The following UGGT2 variants were observed in gnomAD, a reference collection of about 807,000 sequenced individuals.
UGGT2 encodes UDP-glucose glycoprotein glucosyltransferase 2, also known as UDP-glucose:glycoprotein glucosyltransferase 2.
UGGT2 carries 180 observed loss-of-function variants against 192.1 expected under a neutral mutation model. The observed-to-expected ratio is 0.94, with a 90% confidence interval of 0.83 to 1.06. UGGT2 has a LOEUF of 1.06. Among genes scored for constraint, UGGT2 ranks in the 50% least tolerant of loss-of-function variants. The probability of loss-of-function intolerance (pLI) is 0.00; values close to 1 mark genes in which losing one functional copy is unlikely to be tolerated. For missense variants in UGGT2, 1,849 were observed against 1,795.7 expected (o/e 1.03, Z -0.54); for synonymous variants, 580 against 591.0 (o/e 0.98, Z 0.27).
At chr13:95,910,292 C>T (rs1396003959) in intron 20 of UGGT2, among the ~76,000 whole-genome samples, 1 of 152,076 alleles carries the variant, frequency 6.6e-6, no homozygotes, top group African/African-American at 2.4e-5. Context: ...AAGACAGAGA[C>T]TGGAAATTGG....
chr13:95,807,657 T>G (rs963420732), intron 38 of UGGT2, among the ~76,000 whole-genome samples: 1 of 150,980 alleles, frequency 6.6e-6, no homozygotes. Flanking sequence ...TCTGGTGTGG[T>G]GTCTTCTAGC....
chr13:95,836,147 C>T (rs1303499882), intron 37 of UGGT2, among the ~76,000 whole-genome samples: 1 of 152,170 alleles, frequency 6.6e-6, no homozygotes, highest in East Asian at 1.9e-4. Flanking sequence ...CTCCCAGGTT[C>T]AAGCAATTCT....
intron 20 of UGGT2, among the ~76,000 whole-genome samples, chr13:95,905,227 T>C (rs2048248653): frequency 6.7e-6 from 1 of 149,692 alleles, no homozygotes; most frequent in Non-Finnish European, 1.5e-5. Context: ...TTGTGGAAAT[T>C]TTCTCCCATT....
intron 17 of UGGT2, among the ~76,000 whole-genome samples, chr13:95,927,650 C>T (rs1249419903): frequency 6.6e-6 from 1 of 150,660 alleles, no homozygotes; most frequent in African/African-American, 2.4e-5. Flanking sequence ...TGTTTGTTTG[C>T]TTTTTTGTTG....
At chr13:96,046,719 C>A (rs1008651044) in intron 1 of UGGT2, among the ~76,000 whole-genome samples, 1 of 152,176 alleles carries the variant, frequency 6.6e-6, no homozygotes. Context: ...CCTTTCCTAG[C>A]CAAGGGAAGC....
At chr13:95,820,648 GGTTACTT>G (rs1885416025) in intron 38 of UGGT2, among the ~76,000 whole-genome samples, 1 of 151,626 alleles carries the variant, frequency 6.6e-6, no homozygotes. Flanking sequence ...AGTGGTTTTC[GGTTACTT>G]GGATGAATTC....
At chr13:95,805,851 C>T (rs1049922980) in intron 38 of UGGT2, among the ~76,000 whole-genome samples, 6 of 151,664 alleles carry the variant, frequency 4.0e-5, no homozygotes, top group Non-Finnish European at 8.8e-5. Flanking sequence ...TATTTCAAAA[C>T]AATGTGAATA....
intron 4 of UGGT2, among the ~76,000 whole-genome samples, chr13:96,021,731 T>C (rs1185064304): frequency 2.0e-5 from 3 of 152,124 alleles, no homozygotes; most frequent in African/African-American, 4.8e-5. Context: ...GTATGTCCAA[T>C]GAGAAAAACC....
intron 38 of UGGT2, among the ~76,000 whole-genome samples, chr13:95,820,731 G>T (rs1021276404): frequency 6.6e-6 from 1 of 151,770 alleles, no homozygotes; most frequent in Non-Finnish European, 1.5e-5. Context: ...TATCTAATAT[G>T]CAGTCTTTTA....
At chr13:95,824,067 C>T (rs1885771533) in intron 38 of UGGT2, among the ~76,000 whole-genome samples, 1 of 152,020 alleles carries the variant, frequency 6.6e-6, no homozygotes, top group Non-Finnish European at 1.5e-5. Flanking sequence ...TTGCTGGATA[C>T]AAAATTCTTG....
At chr13:96,025,068 A>G (rs1383473171) in intron 2 of UGGT2, among the ~76,000 whole-genome samples, 1 of 152,182 alleles carries the variant, frequency 6.6e-6, no homozygotes, top group Non-Finnish European at 1.5e-5. Context: ...AATATGGGAC[A>G]TTGTGGTTAT....
intron 10 of UGGT2, among the ~76,000 whole-genome samples, chr13:95,977,632 G>A (rs1482875787): frequency 6.6e-6 from 1 of 152,198 alleles, no homozygotes; most frequent in Non-Finnish European, 1.5e-5. Flanking sequence ...AGAAGACAGT[G>A]TCGATTCCTC....
At chr13:95,827,727 TAGTC>T (rs147951216) in intron 38 of UGGT2, among the ~76,000 whole-genome samples, 3,455 of 152,306 alleles carry the variant, frequency 0.023, 52 homozygotes, top group Non-Finnish European at 0.036. Context: ...GGTTAACTAT[TAGTC>T]AGGCAGCACT....
At chr13:96,036,819 G>C (rs1385018833) in intron 1 of UGGT2, among the ~76,000 whole-genome samples, 5 of 152,140 alleles carry the variant, frequency 3.3e-5, no homozygotes, top group Non-Finnish European at 7.3e-5. Context: ...GAGTGCAGTG[G>C]TGCAAACATG....
chr13:96,034,784 C>G (rs1189900972), intron 1 of UGGT2, among the ~76,000 whole-genome samples: 3 of 152,234 alleles, frequency 2.0e-5, no homozygotes, highest in African/African-American at 7.2e-5. Flanking sequence ...GAGCTGCCCA[C>G]CCCACTGCAG....
intron 7 of UGGT2, chr13:95,995,844 G>T: frequency 2.0e-6 from 1 of 512,424 alleles, no homozygotes. Flanking sequence ...CTTTAATTGT[G>T]AAATTAGTGA....
At chr13:95,859,922 C>T in intron 32 of UGGT2, 1 of 316,582 alleles carries the variant, frequency 3.2e-6, no homozygotes, top group Non-Finnish European at 5.8e-6. Context: ...TATGGTTTAT[C>T]AAGTATGTAA....
At chr13:95,825,265 G>C (rs1308804107) in intron 38 of UGGT2, among the ~76,000 whole-genome samples, 1 of 152,084 alleles carries the variant, frequency 6.6e-6, no homozygotes, top group African/African-American at 2.4e-5. Context: ...GGTATCCCTG[G>C]GTAGGAACCT....
chr13:95,849,421 T>C (rs1888795274), intron 36 of UGGT2, among the ~76,000 whole-genome samples: 1 of 151,738 alleles, frequency 6.6e-6, no homozygotes, highest in East Asian at 1.9e-4. Context: ...CAAGCGCCTG[T>C]AGTCCCAGCT....
Sources: gnomAD v4.1 joint callset for allele counts (sites outside exome capture counted in the v4.1 genomes callset) on GRCh38, gnomAD v4.1.1 for gene constraint, MANE v1.5 for transcripts, NCBI Gene and HGNC (gene_info 2026-07-23, HGNC 2026-07-21) for gene names.